The following SLC25A48 variants were observed in gnomAD, a reference collection of about 807,000 sequenced individuals.
The protein encoded by SLC25A48 is solute carrier family 25 member 48, also known as CTC-321K16.1.
A neutral mutation model predicts 32.2 loss-of-function variants in SLC25A48; 29 were observed. The ratio of observed to expected loss-of-function variants is 0.90; its 90% CI spans 0.67 to 1.23. SLC25A48 has a LOEUF of 1.23. SLC25A48 is among the 50% of genes most tolerant of loss of function. SLC25A48 has a pLI of 0.00. For missense variants in SLC25A48, 399 were observed against 422.7 expected, an observed-to-expected ratio of 0.94 and a Z score of 0.49; for synonymous variants, 164 against 172.3, an observed-to-expected ratio of 0.95 and a Z score of 0.38.
intron 3 of SLC25A48, among the ~76,000 whole-genome samples, chr5:135,681,504 G>A (rs1235642848): frequency 6.6e-6 from 1 of 152,038 alleles, no homozygotes; most frequent in Non-Finnish European, 1.5e-5. Context: ...CCTTTTAAAT[G>A]TTCTTGTTTA....
intron 7 of SLC25A48, 58 bp from the exon 8 acceptor site, chr5:135,887,974 C>T: frequency 1.3e-6 from 2 of 1,512,450 alleles, no homozygotes; most frequent in Non-Finnish European, 1.8e-6. Context: ...TGTGATTTTT[C>T]TGGTTTCTGT....
At chr5:135,796,662 A>G (rs936727721) in intron 3 of SLC25A48, among the ~76,000 whole-genome samples, 1 of 151,770 alleles carries the variant, frequency 6.6e-6, no homozygotes, top group African/African-American at 2.4e-5. Flanking sequence ...ATTACTCCCC[A>G]TATCCCGGGG....
chr5:135,653,649 G>A (rs937849562), intron 3 of SLC25A48, among the ~76,000 whole-genome samples: 1 of 152,198 alleles, frequency 6.6e-6, no homozygotes, highest in Non-Finnish European at 1.5e-5. Context: ...CTGCAGGCTA[G>A]TTGAGGTACA....
intron 1 of SLC25A48, among the ~76,000 whole-genome samples, chr5:135,604,564 C>T (rs1479825938): frequency 6.6e-6 from 1 of 152,204 alleles, no homozygotes; most frequent in Non-Finnish European, 1.5e-5. Flanking sequence ...CTCTGGTTCC[C>T]TATGAATAGT....
intron 3 of SLC25A48, among the ~76,000 whole-genome samples, chr5:135,721,069 T>G (rs1288748570): frequency 6.6e-6 from 1 of 151,622 alleles, no homozygotes; most frequent in Non-Finnish European, 1.5e-5. Context: ...TGAGGCAGAG[T>G]CTCTCTCTGT....
Position 135,680,140 on chromosome 5 carries a change from C to T in SLC25A48, c.-521+45184C>T, listed in dbSNP as rs577937508. On this transcript the variant is annotated intron_variant, in intron 3 of 10. Transcript: ENST00000646290. The stretch of plus-strand genomic sequence containing the variant: ...CACTACTCTTTTGAATTCAAGTGTT[C>T]TTTCTTAGATGGTCCATTTGAAGTG... 3.3e-5 allele frequency among the ~76,000 whole-genome samples: 5 copies of T among 152,260 alleles called. No individual in the cohort carries two copies. In the East Asian group the frequency reaches 9.7e-4, roughly 29 times the overall value.
At chr5:135,807,661 TTTG>T (rs148781193) in intron 3 of SLC25A48, among the ~76,000 whole-genome samples, 7,426 of 150,418 alleles carry the variant, frequency 0.049, 367 homozygotes, top group African/African-American at 0.13. Flanking sequence ...AATATCATAG[TTTG>T]TTAACACTAG....
chr5:135,664,111 T>C (rs4246780), intron 3 of SLC25A48, among the ~76,000 whole-genome samples: 109,654 of 152,132 alleles, frequency 0.72, 40,032 homozygotes, highest in Middle Eastern at 0.81. Flanking sequence ...GAATAAAATT[T>C]AGGTTCTTCA....
intron 3 of SLC25A48, among the ~76,000 whole-genome samples, chr5:135,765,895 T>C (rs887252313): frequency 3.5e-5 from 5 of 144,810 alleles, no homozygotes; most frequent in Non-Finnish European, 6.1e-5. Flanking sequence ...TACACCCTCC[T>C]GTGTTATGGT....
At chr5:135,627,600 T>A (rs963854281) in intron 1 of SLC25A48, among the ~76,000 whole-genome samples, 1 of 152,204 alleles carries the variant, frequency 6.6e-6, no homozygotes, top group Non-Finnish European at 1.5e-5. Flanking sequence ...GTTTTTTGAC[T>A]GGACCCTGAC....
intron 1 of SLC25A48, among the ~76,000 whole-genome samples, chr5:135,617,285 T>C (rs1469297884): frequency 6.6e-6 from 1 of 152,096 alleles, no homozygotes; most frequent in East Asian, 1.9e-4. Context: ...TTTGTATTTA[T>C]GTGGTATGAG....
chr5:135,616,245 G>A lies in SLC25A48; in HGVS notation c.-848-12992G>A, dbSNP rs375431272. 3.4e-4 allele frequency among the ~76,000 whole-genome samples: 52 copies of A among 152,208 alleles called. 1 individual carries two copies. The highest frequency in any genetic ancestry group is 7.7e-4 in the East Asian group (4 of 5,166). ...GTGGGGCTGTGAAAGGAGTTTCACC[G>A]CCCTCCAGACCCCAGAATGGAAGCC... is the stretch of plus-strand genomic sequence containing the variant. On this transcript the variant is annotated intron_variant, in intron 1 of 10. Transcript: ENST00000646290.
intron 3 of SLC25A48, among the ~76,000 whole-genome samples, chr5:135,786,563 G>A (rs1396390475): frequency 6.6e-6 from 1 of 152,042 alleles, no homozygotes; most frequent in African/African-American, 2.4e-5. Context: ...TATTGTTTAT[G>A]ATACTATAGG....
chr5:135,710,415 C>T (rs774226702), intron 3 of SLC25A48, among the ~76,000 whole-genome samples: 2 of 152,274 alleles, frequency 1.3e-5, no homozygotes, highest in East Asian at 1.9e-4. Flanking sequence ...AAGCCATTGC[C>T]GTCTCTTTTG....
At chr5:135,608,101 A>T (rs1322748543) in intron 1 of SLC25A48, among the ~76,000 whole-genome samples, 1 of 152,228 alleles carries the variant, frequency 6.6e-6, no homozygotes, top group Non-Finnish European at 1.5e-5. Flanking sequence ...AAGCTCAGAG[A>T]TGTGTTCACA....
chr5:135,837,071 A>G (rs1758598394), intron 1 of SLC25A48, among the ~76,000 whole-genome samples: 1 of 146,602 alleles, frequency 6.8e-6, no homozygotes, highest in Non-Finnish European at 1.5e-5. Flanking sequence ...ATTTTTTTAA[A>G]TCTCAAATCC....
rs543546980 is a variant in SLC25A48 at position 135,849,678 on chromosome 5, C to T, written c.91-747C>T. On this transcript the variant is annotated intron_variant, in intron 2 of 7. Coordinates refer to ENST00000681962, the MANE Select transcript of SLC25A48 (RefSeq NM_001349336.2). ...TATAATCAAATACATAGGGCCACTG[C>T]GACATTTCGACTCAGACCTAAAAGA... 3.4e-4 allele frequency among the ~76,000 whole-genome samples: 51 copies of T among 152,224 alleles called. No homozygotes were observed. In the South Asian group the frequency reaches 6.2e-3, roughly 19 times the overall value.
At chr5:135,604,410 G>C (rs954280318) in intron 1 of SLC25A48, among the ~76,000 whole-genome samples, 10 of 152,246 alleles carry the variant, frequency 6.6e-5, no homozygotes, top group South Asian at 2.1e-4. Flanking sequence ...GAAATTAAGT[G>C]CAGATAAATC....
intron 3 of SLC25A48, among the ~76,000 whole-genome samples, chr5:135,666,663 GA>G (rs1753532807): frequency 6.9e-5 from 1 of 14,456 alleles, no homozygotes. Flanking sequence ...GCATCAGAGA[GA>G]GAGAGAGAGA....
Sources: gnomAD v4.1 joint callset for allele counts (sites outside exome capture counted in the v4.1 genomes callset) on GRCh38, gnomAD v4.1.1 for gene constraint, MANE v1.5 for transcripts, NCBI Gene and HGNC (gene_info 2026-07-23, HGNC 2026-07-21) for gene names.